Variants in CSMD3 observed in about 807,000 individuals in gnomAD.
CSMD3 encodes CUB and Sushi multiple domains 3.
CSMD3 carries 177 observed loss-of-function variants against 435.2 expected under a neutral mutation model. The ratio of observed to expected loss-of-function variants is 0.41; its 90% confidence interval spans 0.36 to 0.46. CSMD3 has a LOEUF of 0.46. CSMD3 is among the 20% of genes least tolerant of loss of function. The probability of loss-of-function intolerance (pLI) is 0.34; values close to 1 mark genes in which losing one functional copy is unlikely to be tolerated. For missense variants in CSMD3, 4,265 were observed against 4,504.6 expected (o/e 0.95, Z 1.52); for synonymous variants, 1,656 against 1,520.5 (o/e 1.09, Z -2.07).
intron 1 of CSMD3, among the ~76,000 whole-genome samples, chr8:113,368,170 A>G (rs2094324939): frequency 6.6e-6 from 1 of 152,102 alleles, no homozygotes; most frequent in Non-Finnish European, 1.5e-5. Flanking sequence ...CTGCCAGACT[A>G]CCAAACTTCT....
intron 5 of CSMD3, among the ~76,000 whole-genome samples, chr8:113,092,883 C>G (rs1162612373): frequency 6.6e-6 from 1 of 152,042 alleles, no homozygotes; most frequent in African/African-American, 2.4e-5. Context: ...GTTTTAGCCT[C>G]TTGGTTTTTG....
intron 12 of CSMD3, among the ~76,000 whole-genome samples, chr8:112,807,652 GA>G (rs1158748363): frequency 1.3e-5 from 2 of 152,116 alleles, no homozygotes; most frequent in African/African-American, 4.8e-5. Context: ...TGATTTTTTA[GA>G]AGCTGTACAA....
intron 17 of CSMD3, among the ~76,000 whole-genome samples, chr8:112,657,414 TCAAAAC>T (rs2075283075): frequency 6.6e-6 from 1 of 152,162 alleles, no homozygotes. Context: ...AAAGTAGGCA[TCAAAAC>T]CAAGTCTCCC....
intron 13 of CSMD3, among the ~76,000 whole-genome samples, chr8:112,715,925 C>T (rs1031032037): frequency 6.6e-6 from 1 of 152,062 alleles, no homozygotes; most frequent in Non-Finnish European, 1.5e-5. Context: ...CAAAATATCT[C>T]AAAATAATAA....
chr8:112,601,380 C>T (rs1413271149), intron 22 of CSMD3, among the ~76,000 whole-genome samples: 1 of 152,032 alleles, frequency 6.6e-6, no homozygotes, highest in Non-Finnish European at 1.5e-5. Flanking sequence ...ACTTTAAGCA[C>T]AGATAGTTCT....
chr8:112,328,867 T>A (rs1342818217), intron 45 of CSMD3, among the ~76,000 whole-genome samples: 5 of 152,184 alleles, frequency 3.3e-5, no homozygotes, highest in South Asian at 2.1e-4. Flanking sequence ...CCCAGTCATA[T>A]GGAACTGTGC....
chr8:113,024,040 AATTTATAC>A (rs2086783771), intron 5 of CSMD3, among the ~76,000 whole-genome samples: 1 of 152,008 alleles, frequency 6.6e-6, no homozygotes, highest in South Asian at 2.1e-4. Context: ...TCTAGCTATA[AATTTATAC>A]CCATTGACCA....
chr8:112,238,728 AATT>A (rs1380732602), intron 66 of CSMD3, among the ~76,000 whole-genome samples: 2 of 151,932 alleles, frequency 1.3e-5, no homozygotes, highest in African/African-American at 4.8e-5. Flanking sequence ...ATAATTTAAA[AATT>A]ATAAGTGTTG....
chr8:112,779,037 T>TTTTC (rs900698487), intron 13 of CSMD3, among the ~76,000 whole-genome samples: 1 of 151,988 alleles, frequency 6.6e-6, no homozygotes, highest in Non-Finnish European at 1.5e-5. Context: ...ATTTTCTTAT[T>TTTTC]GTTGAATTTT....
At chr8:113,028,823 A>G (rs2086972414) in intron 5 of CSMD3, among the ~76,000 whole-genome samples, 1 of 151,590 alleles carries the variant, frequency 6.6e-6, no homozygotes, top group African/African-American at 2.4e-5. Flanking sequence ...ACATCTTCAT[A>G]ATATAAGTGC....
intron 10 of CSMD3, among the ~76,000 whole-genome samples, chr8:112,893,641 G>A (rs971054998): frequency 3.3e-5 from 5 of 151,446 alleles, no homozygotes; most frequent in African/African-American, 9.7e-5. Context: ...ATTCTCTGAG[G>A]CAGACTCTCT....
intron 35 of CSMD3, among the ~76,000 whole-genome samples, chr8:112,397,256 T>C (rs930498970): frequency 3.3e-5 from 5 of 152,236 alleles, no homozygotes; most frequent in Admixed American, 1.3e-4. Context: ...ATCTTCTGAA[T>C]GTCATTTAGA....
chr8:112,507,547 G>C (rs1044168732), intron 28 of CSMD3, among the ~76,000 whole-genome samples: 10 of 152,134 alleles, frequency 6.6e-5, no homozygotes, highest in South Asian at 4.1e-4. Flanking sequence ...TTAAGATTAG[G>C]ATTCTCACAT....
intron 32 of CSMD3, among the ~76,000 whole-genome samples, chr8:112,460,883 A>G (rs1817382740): frequency 6.6e-6 from 1 of 152,186 alleles, no homozygotes; most frequent in Non-Finnish European, 1.5e-5. Context: ...AGAGAATACT[A>G]TTCAAATCCC....
intron 2 of CSMD3, among the ~76,000 whole-genome samples, chr8:113,302,294 A>ATATAATATT (rs1423825506): frequency 2.0e-4 from 3 of 14,640 alleles, no homozygotes; most frequent in Admixed American, 8.2e-4. Flanking sequence ...TATATAATAT[A>ATATAATATT]ATATAATATA....
intron 7 of CSMD3, among the ~76,000 whole-genome samples, chr8:112,958,898 C>A (rs776761572): frequency 2.0e-5 from 3 of 151,864 alleles, no homozygotes; most frequent in African/African-American, 4.8e-5. Context: ...GTTAGGAAAT[C>A]GATCATATTA....
At chr8:113,046,829 C>T (rs1474230556) in intron 5 of CSMD3, among the ~76,000 whole-genome samples, 1 of 152,174 alleles carries the variant, frequency 6.6e-6, no homozygotes, top group Non-Finnish European at 1.5e-5. Context: ...AGTTCTCACA[C>T]TTTACAGACG....
chr8:113,160,615 TC>T (rs74628314), intron 4 of CSMD3, among the ~76,000 whole-genome samples: 14,629 of 152,016 alleles, frequency 0.096, 918 homozygotes, highest in Middle Eastern at 0.17. Flanking sequence ...GACCTTTGAG[TC>T]CACAGCCTAT....
rs1326119434 is a variant in CSMD3, at chr8:112,689,959, A to G, written c.2064T>C (p.Phe688=). ...TTAATTCAAACCCAAACTGGCATTC[A>G]AACCTTAAAACATCACGATTAGAAA... ...DGFSNRDVLR[F]ECQFGFELIG... is the part of the protein sequence containing the mutation. Residue 688 remains phenylalanine (F), a synonymous_variant, in exon 14 of 71, where the codon TTT becomes TTC. Transcript: ENST00000297405. The G allele has an allele frequency of 6.2e-7, 1 of 1,613,298 alleles. No homozygotes were observed. The highest frequency in any genetic ancestry group is 1.1e-5 in the South Asian group (1 of 91,076).
Sources: allele counts gnomAD v4.1 joint callset (sites outside exome capture counted in the v4.1 genomes callset), GRCh38; gene constraint gnomAD v4.1.1; transcripts MANE v1.5; gene names NCBI Gene and HGNC (gene_info 2026-07-23, HGNC 2026-07-21).